MAML3: variants seen among roughly 807,000 people sequenced by gnomAD.
MAML3 encodes the protein mastermind-like protein 3.
A neutral mutation model predicts 101.9 loss-of-function variants in MAML3; 27 were observed. That is an observed-to-expected ratio of 0.27 (90% CI 0.20 to 0.37). The LOEUF (loss-of-function observed/expected upper bound fraction) is 0.37. MAML3 is among the 10% of genes least tolerant of loss of function. The pLI is 1.00. For synonymous variants in MAML3, 501 were observed against 555.9 expected (o/e 0.90, Z 1.39); for missense variants, 1,316 against 1,444.9 (o/e 0.91, Z 1.45).
chr4:140,070,375 C>T (rs907146456), intron 1 of MAML3, among the ~76,000 whole-genome samples: 7 of 152,294 alleles, frequency 4.6e-5, no homozygotes, highest in Admixed American at 4.6e-4. Flanking sequence ...TCATTTTAAT[C>T]TTTAGTAAGC....
At chr4:140,151,667 C>T (rs570865192) in intron 1 of MAML3, among the ~76,000 whole-genome samples, 2 of 149,130 alleles carry the variant, frequency 1.3e-5, no homozygotes, top group South Asian at 2.2e-4. Context: ...GCCTGGCCCA[C>T]CCAGCACCCG....
intron 2 of MAML3, among the ~76,000 whole-genome samples, chr4:139,873,349 A>G (rs1732052029): frequency 6.6e-6 from 1 of 152,182 alleles, no homozygotes; most frequent in Non-Finnish European, 1.5e-5. Flanking sequence ...TTGCCAGCTC[A>G]GTTCTTCCCA....
intron 1 of MAML3, among the ~76,000 whole-genome samples, chr4:139,951,140 TTC>T (rs1490213115): frequency 6.6e-6 from 1 of 152,198 alleles, no homozygotes; most frequent in Non-Finnish European, 1.5e-5. Flanking sequence ...CCCTCTTTCT[TTC>T]TCCCCATCCT....
At chr4:140,091,543 CA>C (rs1186102121) in intron 1 of MAML3, among the ~76,000 whole-genome samples, 4 of 108,290 alleles carry the variant, frequency 3.7e-5, no homozygotes, top group Admixed American at 1.1e-4. Context: ...AAAACAAAAA[CA>C]AAACAAAAAA....
chr4:139,960,464 T>C (rs149331029), intron 1 of MAML3, among the ~76,000 whole-genome samples: 195 of 152,260 alleles, frequency 1.3e-3, no homozygotes, highest in African/African-American at 4.5e-3. Flanking sequence ...CAAGGGTAGG[T>C]TGGTAAAGCT....
intron 1 of MAML3, among the ~76,000 whole-genome samples, chr4:140,083,965 CACAGAGAGAGAGAG>C (rs70943475): frequency 0.067 from 4,201 of 63,138 alleles, 57 homozygotes; most frequent in South Asian, 0.14. Context: ...CACACACACA[CACAGAGAGAGAGAG>C]AGAGAGAGAG....
intron 2 of MAML3, among the ~76,000 whole-genome samples, chr4:139,869,875 T>C (rs80309967): frequency 0.037 from 5,652 of 152,338 alleles, 128 homozygotes; most frequent in Admixed American, 0.064. Context: ...GATCTTGAGA[T>C]GGCTTTCTTG....
intron 1 of MAML3, among the ~76,000 whole-genome samples, chr4:139,939,847 C>A (rs1293940416): frequency 1.3e-5 from 2 of 151,498 alleles, no homozygotes; most frequent in Admixed American, 1.3e-4. Flanking sequence ...TCACTGCAAC[C>A]TCCGCCTCCT....
chr4:140,090,408 C>A (rs1728023504), intron 1 of MAML3, among the ~76,000 whole-genome samples: 1 of 152,232 alleles, frequency 6.6e-6, no homozygotes, highest in Non-Finnish European at 1.5e-5. Context: ...AATAACAACA[C>A]AGCAATAATA....
At chr4:139,827,756 C>T (rs565557729) in intron 2 of MAML3, among the ~76,000 whole-genome samples, 9 of 152,236 alleles carry the variant, frequency 5.9e-5, no homozygotes, top group South Asian at 4.1e-4. Flanking sequence ...CTCTAAGCCA[C>T]GATTTAAAAT....
chr4:139,826,981 A>T (rs1270098010), intron 2 of MAML3, among the ~76,000 whole-genome samples: 2 of 152,238 alleles, frequency 1.3e-5, no homozygotes, highest in East Asian at 3.8e-4. Flanking sequence ...GGACAAAAAG[A>T]AAGTAAGCCA....
chr4:139,834,951 T>A (rs1219720519), intron 2 of MAML3, among the ~76,000 whole-genome samples: 1 of 152,226 alleles, frequency 6.6e-6, no homozygotes, highest in Admixed American at 6.5e-5. Context: ...AAGGGAAAAG[T>A]AATCTTAAAA....
At chr4:140,150,114 GTC>G (rs1729133780) in intron 1 of MAML3, among the ~76,000 whole-genome samples, 1 of 152,056 alleles carries the variant, frequency 6.6e-6, no homozygotes, top group African/African-American at 2.4e-5. Flanking sequence ...TAGTGCGTAA[GTC>G]TAATCAACAG....
chr4:140,118,022 AT>A (rs1162746387), intron 1 of MAML3, among the ~76,000 whole-genome samples: 2 of 152,002 alleles, frequency 1.3e-5, no homozygotes, highest in African/African-American at 4.8e-5. Context: ...CACTAAATTT[AT>A]TTTTTTTAAT....
At chr4:139,913,735 C>T (rs1274129043) in intron 1 of MAML3, among the ~76,000 whole-genome samples, 6 of 152,132 alleles carry the variant, frequency 3.9e-5, no homozygotes, top group African/African-American at 9.7e-5. Flanking sequence ...AAGACTACGG[C>T]GGGCGCCCCT....
chr4:139,894,544 AAAGAAAG>A (rs1732568779), intron 1 of MAML3, among the ~76,000 whole-genome samples: 1 of 151,860 alleles, frequency 6.6e-6, no homozygotes, highest in African/African-American at 2.4e-5. Flanking sequence ...AGAAAGAAAG[AAAGAAAG>A]AAAGAAAGAA....
At chr4:139,887,450 CT>C (rs966006936) in intron 2 of MAML3, among the ~76,000 whole-genome samples, 3 of 152,234 alleles carry the variant, frequency 2.0e-5, no homozygotes, top group African/African-American at 4.8e-5. Flanking sequence ...CATCACTTTG[CT>C]TCTTCAGCTG....
chr4:140,051,205 A>G (rs993655017), intron 1 of MAML3, among the ~76,000 whole-genome samples: 1 of 152,226 alleles, frequency 6.6e-6, no homozygotes, highest in African/African-American at 2.4e-5. Flanking sequence ...TAAAATAGAC[A>G]CTGAGTTTAA....
intron 1 of MAML3, among the ~76,000 whole-genome samples, chr4:140,054,805 G>A (rs1727325300): frequency 6.6e-6 from 1 of 152,182 alleles, no homozygotes; most frequent in South Asian, 2.1e-4. Flanking sequence ...GCACAGCGAT[G>A]AGTCCCCACC....
Sources: gnomAD v4.1 joint callset for allele counts (sites outside exome capture counted in the v4.1 genomes callset) on GRCh38, gnomAD v4.1.1 for gene constraint, MANE v1.5 for transcripts, NCBI Gene and HGNC (gene_info 2026-07-23, HGNC 2026-07-21) for gene names.